SLC10A7: variants seen among roughly 807,000 people sequenced by gnomAD.
The protein encoded by SLC10A7 is solute carrier family 10 member 7.
SLC10A7 carries 29 observed loss-of-function variants against 43.2 expected under a neutral mutation model. That is an observed-to-expected ratio of 0.67 (90% confidence interval 0.50 to 0.92). The LOEUF is 0.92. Ranked by LOEUF, SLC10A7 falls within the 40% of genes least tolerant of loss-of-function variation. The pLI is 0.00. For synonymous variants in SLC10A7, 152 were observed against 144.8 expected (o/e 1.05, Z -0.35); for missense variants, 295 against 403.2 (o/e 0.73, Z 2.30).
intron 4 of SLC10A7, among the ~76,000 whole-genome samples, chr4:146,495,081 T>C (rs1403906987): frequency 6.7e-6 from 1 of 150,090 alleles, no homozygotes; most frequent in Non-Finnish European, 1.5e-5. Flanking sequence ...ACTTCTGTTC[T>C]TTCATCTGTT....
In SLC10A7 at chr4:146,274,538, A is replaced by G. The variant is rs532515516; in HGVS notation, c.847+8654T>C. 2.6e-5 allele frequency among the ~76,000 whole-genome samples: 4 copies of G among 152,232 alleles called. No individual in the cohort carries two copies. In the East Asian group the frequency reaches 5.8e-4, roughly 22 times the overall value. ...CCTTATATTAATAAAATACTGGCAT[A>G]CTTTTACATCCAAATACTGTTGTTT... On this transcript the variant is annotated intron_variant, in intron 10 of 11. Transcript: ENST00000335472.
intron 4 of SLC10A7, among the ~76,000 whole-genome samples, chr4:146,475,116 C>T (rs749854446): frequency 6.6e-6 from 1 of 152,058 alleles, no homozygotes; most frequent in Admixed American, 6.6e-5. Flanking sequence ...TATGAGATAT[C>T]GAAATTACAC....
At chr4:146,483,462 C>A (rs1734659821) in intron 4 of SLC10A7, among the ~76,000 whole-genome samples, 2 of 150,962 alleles carry the variant, frequency 1.3e-5, no homozygotes, top group South Asian at 2.1e-4. Context: ...AAAAAAAAAC[C>A]CTACATCATA....
intron 4 of SLC10A7, among the ~76,000 whole-genome samples, chr4:146,461,654 A>G (rs907876807): frequency 9.2e-5 from 14 of 152,066 alleles, no homozygotes; most frequent in African/African-American, 2.7e-4. Flanking sequence ...CTAATTGTAC[A>G]GTACTTTAAA....
At chr4:146,364,203 T>C (rs1736242039) in intron 5 of SLC10A7, among the ~76,000 whole-genome samples, 1 of 151,986 alleles carries the variant, frequency 6.6e-6, no homozygotes, top group Non-Finnish European at 1.5e-5. Flanking sequence ...ATTAGAGATA[T>C]TACAAGCAAC....
chr4:146,406,222 G>A (rs1727676978), intron 5 of SLC10A7, among the ~76,000 whole-genome samples: 1 of 152,014 alleles, frequency 6.6e-6, no homozygotes, highest in African/African-American at 2.4e-5. Context: ...AAAAAACCAA[G>A]AAAATCCATA....
At chr4:146,398,713 A>G (rs1739009391) in intron 5 of SLC10A7, among the ~76,000 whole-genome samples, 2 of 152,244 alleles carry the variant, frequency 1.3e-5, no homozygotes, top group Admixed American at 6.5e-5. Context: ...CAACAAGTAC[A>G]TCCTGAAAAA....
At chr4:146,384,060 G>A (rs1737821871) in intron 5 of SLC10A7, among the ~76,000 whole-genome samples, 1 of 151,948 alleles carries the variant, frequency 6.6e-6, no homozygotes, top group South Asian at 2.1e-4. Context: ...AATAATCTCT[G>A]AGATCTAACA....
At chr4:146,465,122 C>G (rs1732897404) in intron 4 of SLC10A7, among the ~76,000 whole-genome samples, 2 of 152,084 alleles carry the variant, frequency 1.3e-5, no homozygotes, top group African/African-American at 4.8e-5. Context: ...AACAAAGTAT[C>G]AGACAGCCAC....
intron 10 of SLC10A7, among the ~76,000 whole-genome samples, chr4:146,259,565 C>A (rs570222446): frequency 1.3e-5 from 2 of 152,176 alleles, no homozygotes; most frequent in Non-Finnish European, 2.9e-5. Flanking sequence ...TGCATCACTG[C>A]ACTCCAGCCT....
At chr4:146,489,029 G>A (rs1038410345) in intron 4 of SLC10A7, among the ~76,000 whole-genome samples, 1 of 152,128 alleles carries the variant, frequency 6.6e-6, no homozygotes, top group Non-Finnish European at 1.5e-5. Context: ...GCCATCTAAT[G>A]AGAGCTTCAA....
rs781607500 is a variant in SLC10A7 at position 146,517,163 on chromosome 4, T to C, written c.101-43A>G. The stretch of plus-strand genomic sequence containing the variant: ...AGTTATTGCTAGAAAAGAATTTCAG[T>C]AGATAACTTGGCACAAAAGAAGAAT... On this transcript the variant is annotated intron_variant, in intron 1 of 11. Transcript: ENST00000335472. The C allele has an allele frequency of 2.0e-6, 3 of 1,479,548 alleles. No homozygotes were observed. The Admixed American group carries it at 5.5e-5, about 27-fold the overall frequency. 91.7% of individuals were successfully genotyped at this position (1,479,548 alleles called of 1,614,324 possible). A position where few individuals can be genotyped will look rare whatever the true frequency, so the allele number is the denominator to read the frequency against.
At chr4:146,267,098 G>C (rs925279626) in intron 10 of SLC10A7, among the ~76,000 whole-genome samples, 4 of 152,192 alleles carry the variant, frequency 2.6e-5, no homozygotes, top group Middle Eastern at 3.4e-3. Flanking sequence ...CCAATACCAA[G>C]ATCATTACAC....
At chr4:146,359,321 G>C (rs1735880174) in intron 5 of SLC10A7, among the ~76,000 whole-genome samples, 1 of 152,016 alleles carries the variant, frequency 6.6e-6, no homozygotes, top group African/African-American at 2.4e-5. Context: ...ATAACTTCTT[G>C]GATTGTATGG....
At chr4:146,417,183 T>C (rs535186705) in intron 5 of SLC10A7, among the ~76,000 whole-genome samples, 1 of 152,242 alleles carries the variant, frequency 6.6e-6, no homozygotes, top group African/African-American at 2.4e-5. Flanking sequence ...AAGTTATTTG[T>C]TGAATAAACG....
chr4:146,336,100 T>C (rs1733879214), intron 5 of SLC10A7, among the ~76,000 whole-genome samples: 1 of 152,098 alleles, frequency 6.6e-6, no homozygotes, highest in African/African-American at 2.4e-5. Context: ...TGGCAAACTT[T>C]TTCTGTGTAA....
At chr4:146,269,209 C>A (rs1160221747) in intron 10 of SLC10A7, among the ~76,000 whole-genome samples, 2 of 152,204 alleles carry the variant, frequency 1.3e-5, no homozygotes, top group African/African-American at 2.4e-5. Flanking sequence ...TAATGAATGG[C>A]CTGAGCCGAC....
rs545206512 is a variant in SLC10A7, at chr4:146,389,673, CTT to C, written c.435+53108_435+53109del. Among the ~76,000 whole-genome samples the C allele has an allele frequency of 1.2e-4, 19 of 152,256 alleles. No homozygotes were observed. In the South Asian group the frequency reaches 3.9e-3, roughly 32 times the overall value. ...CATTCTCCTTAGCACAACATAGTGTCTTTATGACCAGGGTTGGTTTATCAGCT... is the reference window on the plus strand; with the variant it reads ...CATTCTCCTTAGCACAACATAGTGTCTATGACCAGGGTTGGTTTATCAGCT... On this transcript the variant is annotated intron_variant, in intron 5 of 11. Transcript: ENST00000335472.
intron 5 of SLC10A7, among the ~76,000 whole-genome samples, chr4:146,368,889 C>T (rs1736575768): frequency 6.6e-6 from 1 of 152,140 alleles, no homozygotes; most frequent in Admixed American, 6.5e-5. Context: ...TTGGTATTAA[C>T]ATTCGGTGTT....
Sources: gnomAD v4.1 joint callset for allele counts (sites outside exome capture counted in the v4.1 genomes callset) on GRCh38, gnomAD v4.1.1 for gene constraint, MANE v1.5 for transcripts, NCBI Gene and HGNC (gene_info 2026-07-23, HGNC 2026-07-21) for gene names.